TRAPPC9: variants seen among roughly 807,000 people sequenced by gnomAD.
TRAPPC9 encodes the protein trafficking protein particle complex subunit 9, also known as IKK2 binding protein.
TRAPPC9 carries 83 observed loss-of-function variants against 124.0 expected under a neutral mutation model. The observed-to-expected ratio is 0.67, with a 90% CI of 0.56 to 0.80. The LOEUF is 0.80. Among genes scored for constraint, TRAPPC9 ranks in the 30% least tolerant of loss-of-function variants. The pLI is 0.00. For missense variants in TRAPPC9, 1,302 were observed against 1,508.3 expected (o/e 0.86, Z 2.27); for synonymous variants, 638 against 617.5 (o/e 1.03, Z -0.49).
chr8:139,861,160 AT>A (rs1242799819), intron 21 of TRAPPC9, among the ~76,000 whole-genome samples: 37 of 152,354 alleles, frequency 2.4e-4, no homozygotes, highest in African/African-American at 7.0e-4. Flanking sequence ...CAGCAAGGCA[AT>A]TTTTACTTTC....
intron 20 of TRAPPC9, among the ~76,000 whole-genome samples, chr8:139,886,850 A>G (rs1206175061): frequency 6.6e-6 from 1 of 152,202 alleles, no homozygotes; most frequent in Non-Finnish European, 1.5e-5. Flanking sequence ...GCAGCAACGT[A>G]GAACCTGAGA....
intron 17 of TRAPPC9, among the ~76,000 whole-genome samples, chr8:140,114,318 C>T (rs1191748531): frequency 6.8e-5 from 6 of 88,492 alleles, no homozygotes; most frequent in South Asian, 3.5e-4. Flanking sequence ...TTCATAAGGA[C>T]GAAAAGGACT....
chr8:139,932,163 T>C (rs1314125875), intron 19 of TRAPPC9: 6 of 376,832 alleles, frequency 1.6e-5, no homozygotes, highest in Non-Finnish European at 3.2e-5. Flanking sequence ...CTCAGAAGCA[T>C]TGACCTTACA....
chr8:140,354,643 T>C (rs1403650414), intron 9 of TRAPPC9, among the ~76,000 whole-genome samples: 3 of 152,224 alleles, frequency 2.0e-5, no homozygotes, highest in Admixed American at 6.5e-5. Flanking sequence ...GTCACGTTTT[T>C]CCATTCCTGG....
intron 19 of TRAPPC9, among the ~76,000 whole-genome samples, chr8:139,949,457 A>G (rs1045936912): frequency 9.9e-5 from 15 of 152,234 alleles, no homozygotes; most frequent in Non-Finnish European, 2.2e-4. Context: ...CACACACAGT[A>G]GCGTCATTCG....
At chr8:140,399,022 C>T (rs1247930539) in intron 6 of TRAPPC9, among the ~76,000 whole-genome samples, 2 of 152,240 alleles carry the variant, frequency 1.3e-5, no homozygotes, top group Non-Finnish European at 2.9e-5. Flanking sequence ...ACATACAGCT[C>T]GGGCCATGGC....
chr8:140,078,558 G>A (rs1158961273), intron 17 of TRAPPC9, among the ~76,000 whole-genome samples: 1 of 152,166 alleles, frequency 6.6e-6, no homozygotes, highest in Non-Finnish European at 1.5e-5. Flanking sequence ...CCTAGGTGGG[G>A]AAAGGAAATT....
intron 15 of TRAPPC9, among the ~76,000 whole-genome samples, chr8:140,266,680 A>C (rs1450475737): frequency 1.1e-4 from 17 of 151,800 alleles, no homozygotes; most frequent in Non-Finnish European, 1.9e-4. Flanking sequence ...AACATGGTGC[A>C]AACCCATCTC....
intron 21 of TRAPPC9, among the ~76,000 whole-genome samples, chr8:139,798,239 C>T (rs1351119169): frequency 1.3e-5 from 2 of 152,100 alleles, no homozygotes; most frequent in African/African-American, 4.8e-5. Context: ...GTTAAATGTA[C>T]TCTTTAGTAT....
At chr8:139,768,112 G>A (rs1030168648) in intron 21 of TRAPPC9, among the ~76,000 whole-genome samples, 3 of 152,142 alleles carry the variant, frequency 2.0e-5, no homozygotes, top group Non-Finnish European at 4.4e-5. Flanking sequence ...TGGGGGGATG[G>A]GCTAAATACT....
chr8:140,315,452 T>C (rs1233615311), intron 9 of TRAPPC9, among the ~76,000 whole-genome samples: 5 of 152,164 alleles, frequency 3.3e-5, no homozygotes, highest in African/African-American at 1.2e-4. Context: ...ATGAAAGTTA[T>C]ATCTTGTGTT....
rs1016629333 is a variant in TRAPPC9, at chr8:139,776,124, T to G, written c.3056-43922A>C. ...CTTCCTGAGGACAAGAGGACGAGGC[T>G]GGACTCTGCCAGGACCACGTGCTAG... On this transcript the variant is annotated intron_variant, in intron 21 of 22. Transcript: ENST00000438773. This position sits in a 1 kb window ranked among gnomAD's most constrained non-coding sequence, Gnocchi z 4.1. Among the ~76,000 whole-genome samples the G allele has an allele frequency of 2.0e-5, 3 of 152,202 alleles. No individual in the cohort carries two copies. The highest frequency in any genetic ancestry group is 7.2e-5 in the African/African-American group (3 of 41,456).
intron 21 of TRAPPC9, among the ~76,000 whole-genome samples, chr8:139,754,134 C>G (rs1333700830): frequency 2.6e-5 from 4 of 152,196 alleles, no homozygotes; most frequent in Non-Finnish European, 4.4e-5. Flanking sequence ...TAGATTGAAA[C>G]AGCCAAGGCC....
intron 19 of TRAPPC9, among the ~76,000 whole-genome samples, chr8:139,964,941 G>T (rs548995682): frequency 1.3e-5 from 2 of 152,166 alleles, no homozygotes; most frequent in African/African-American, 4.8e-5. Context: ...CTATCCTATC[G>T]TACCGAGCCT....
At chr8:139,977,077 T>A (rs1394692030) in intron 19 of TRAPPC9, among the ~76,000 whole-genome samples, 1 of 152,180 alleles carries the variant, frequency 6.6e-6, no homozygotes, top group East Asian at 1.9e-4. Flanking sequence ...TGTCTTCGCA[T>A]CTTCACCTGA....
At chr8:140,195,314 C>T (rs368736657) in intron 17 of TRAPPC9, among the ~76,000 whole-genome samples, 12 of 149,896 alleles carry the variant, frequency 8.0e-5, no homozygotes, top group Admixed American at 3.3e-4. Flanking sequence ...AACGATCCAT[C>T]GTACAGATCA....
In TRAPPC9 at chr8:139,823,670, G is replaced by C. The variant is rs76736375; in HGVS notation, c.3055+62209C>G. ...GAAACAGAGACCTATAAAAAGCCTT[G>C]TCTGCTGACGGACAGTGTTCCTGGG... is the stretch of plus-strand genomic sequence containing the variant. On this transcript the variant is annotated intron_variant, in intron 21 of 22. Coordinates refer to ENST00000438773, the MANE Select transcript of TRAPPC9 (RefSeq NM_001160372.4). Among the ~76,000 whole-genome samples the C allele has an allele frequency of 1.7e-3, 252 of 152,290 alleles. 4 individuals are homozygous for C. The highest frequency in any genetic ancestry group is 6.8e-3 in the Middle Eastern group (2 of 294).
At chr8:140,235,236 G>A (rs970003439) in intron 16 of TRAPPC9, among the ~76,000 whole-genome samples, 4 of 152,172 alleles carry the variant, frequency 2.6e-5, no homozygotes, top group African/African-American at 9.7e-5. Flanking sequence ...GCCTTCCAAA[G>A]TGCTGGGATT....
In TRAPPC9 at chr8:140,241,774, C is replaced by A. The variant is rs538921427; in HGVS notation, c.2431+11003G>T. 6.6e-6 allele frequency among the ~76,000 whole-genome samples: 1 copy of A among 152,322 alleles called. No individual in the cohort carries two copies. The highest frequency in any genetic ancestry group is 2.4e-5 in the African/African-American group (1 of 41,578). ...GAAAGCAACACCAGATCCTCACAGC[C>A]AGACAGCTCTCCCGTCTCTGAACTC... On this transcript the variant is annotated intron_variant, in intron 16 of 22. Coordinates refer to ENST00000438773, the MANE Select transcript of TRAPPC9 (RefSeq NM_001160372.4). The surrounding 1 kb of genome is among the most constrained non-coding windows in gnomAD (Gnocchi z 5.0).
Sources: allele counts gnomAD v4.1 joint callset (sites outside exome capture counted in the v4.1 genomes callset), GRCh38; gene constraint gnomAD v4.1.1; non-coding constraint Gnocchi (gnomAD v3.1); transcripts MANE v1.5; gene names NCBI Gene and HGNC (gene_info 2026-07-23, HGNC 2026-07-21).